The following RUNX1 variants were observed in gnomAD, a reference collection of about 807,000 sequenced individuals.
RUNX1 encodes RUNX family transcription factor 1.
Under a neutral mutation model 42.8 loss-of-function variants are expected in RUNX1, and 19 were observed. That is an observed-to-expected ratio of 0.44 (90% CI 0.31 to 0.65). RUNX1 has a LOEUF of 0.65. Ranked by LOEUF, RUNX1 falls within the 30% of genes least tolerant of loss-of-function variation. RUNX1 has a pLI of 0.07. For missense variants in RUNX1, 528 were observed against 672.0 expected (o/e 0.79, Z 2.37); for synonymous variants, 271 against 289.4 (o/e 0.94, Z 0.64).
chr21:34,887,575 G>C (rs775953905), intron 3 of RUNX1: 25 of 1,122,070 alleles, frequency 2.2e-5, no homozygotes, highest in Non-Finnish European at 2.6e-5. Context: ...TTTGTCTAAA[G>C]TCCCAACAGA....
intron 2 of RUNX1, among the ~76,000 whole-genome samples, chr21:34,929,704 T>C (rs2058425289): frequency 6.6e-6 from 1 of 152,200 alleles, no homozygotes; most frequent in African/African-American, 2.4e-5. Context: ...AATTGGCTTT[T>C]TAAGAGATGA....
At chr21:34,822,801 GGAGT>G (rs1183861059) in intron 7 of RUNX1, among the ~76,000 whole-genome samples, 37 of 152,140 alleles carry the variant, frequency 2.4e-4, no homozygotes, top group African/African-American at 7.2e-4. Flanking sequence ...ATGCACTAAT[GGAGT>G]GAGAGTGGCC....
Position 34,886,969 on chromosome 21 carries a change from G to A in RUNX1, c.225C>T (p.Asp75=), listed in dbSNP as rs747801893. The change falls in exon 4 of 9, where the codon GAC becomes GAT. Residue 75 remains aspartate (D), a synonymous_variant. Transcript: ENST00000675419. ...AALAGKLRSG[D]RSMVEVLADH... is the part of the protein sequence containing the mutation. Reference sequence around the variant, plus strand: ...CGGCCAGCACCTCCACCATGCTGCGGTCGCCGCTCCTCAGCTTGCCGGCCA... The same window carrying A: ...CGGCCAGCACCTCCACCATGCTGCGATCGCCGCTCCTCAGCTTGCCGGCCA... 14 of 1,610,918 alleles carry A rather than the reference G, an allele frequency of 8.7e-6. No individual in the cohort carries two copies. The highest frequency in any genetic ancestry group is 1.2e-5 in the Non-Finnish European group (14 of 1,179,348).
intron 7 of RUNX1, among the ~76,000 whole-genome samples, chr21:34,815,820 C>G (rs992726016): frequency 5.3e-5 from 8 of 151,992 alleles, no homozygotes; most frequent in Admixed American, 5.2e-4. Context: ...GCTGAGCAGT[C>G]TTTAGAGGAA....
At chr21:35,035,380 C>T (rs555677918) in intron 2 of RUNX1, among the ~76,000 whole-genome samples, 15 of 152,304 alleles carry the variant, frequency 9.8e-5, no homozygotes, top group African/African-American at 3.6e-4. Context: ...CTCCTCCCCA[C>T]ACCCTGTCAC....
chr21:34,806,198 T>G (rs538383687), intron 7 of RUNX1, among the ~76,000 whole-genome samples: 47 of 152,286 alleles, frequency 3.1e-4, no homozygotes, highest in African/African-American at 1.1e-3. Context: ...ATTGGCAGTG[T>G]GGATTAAAGA....
intron 6 of RUNX1, among the ~76,000 whole-genome samples, chr21:34,855,246 T>C (rs1333580572): frequency 1.3e-5 from 2 of 152,062 alleles, no homozygotes; most frequent in Admixed American, 6.6e-5. Flanking sequence ...AATATCTTCC[T>C]CCATGGCATT....
At chr21:35,043,361 G>A (rs1208649765) in intron 2 of RUNX1, among the ~76,000 whole-genome samples, 3 of 152,168 alleles carry the variant, frequency 2.0e-5, no homozygotes, top group Non-Finnish European at 4.4e-5. Context: ...CGAGAAACAA[G>A]AGTTGTGGGA....
intron 2 of RUNX1, among the ~76,000 whole-genome samples, chr21:34,935,171 G>A (rs2058476026): frequency 6.6e-6 from 1 of 152,184 alleles, no homozygotes; most frequent in Admixed American, 6.5e-5. Flanking sequence ...TGCGTTAGCT[G>A]ATTCTAGTTG....
chr21:34,928,634 C>A (rs1347264019), intron 2 of RUNX1, among the ~76,000 whole-genome samples: 2 of 150,920 alleles, frequency 1.3e-5, no homozygotes, highest in South Asian at 2.1e-4. Context: ...GAGCCAAGAT[C>A]GCGCCACTGC....
chr21:34,992,910 A>G (rs549062961), intron 2 of RUNX1, among the ~76,000 whole-genome samples: 2 of 152,246 alleles, frequency 1.3e-5, no homozygotes, highest in East Asian at 3.9e-4. Flanking sequence ...AGCAATGAGG[A>G]GGATGACTGT....
At chr21:35,027,061 G>A (rs567292962) in intron 2 of RUNX1, among the ~76,000 whole-genome samples, 2 of 152,334 alleles carry the variant, frequency 1.3e-5, no homozygotes, top group East Asian at 3.9e-4. Context: ...CGGGGTCTGT[G>A]TCAAGAGGCT....
intron 4 of RUNX1, among the ~76,000 whole-genome samples, chr21:34,883,325 G>GT (rs544254192): frequency 2.9e-4 from 44 of 151,028 alleles, no homozygotes; most frequent in South Asian, 2.7e-3. Flanking sequence ...ATCTCTGAGG[G>GT]TTTTTTTTTG....
intron 5 of RUNX1, among the ~76,000 whole-genome samples, chr21:34,871,183 G>C (rs1018070676): frequency 1.3e-5 from 2 of 152,124 alleles, no homozygotes; most frequent in African/African-American, 2.4e-5. Context: ...ACCCTTGCAT[G>C]CCACAGCTGT....
At chr21:34,819,290 A>G (rs1365557494) in intron 7 of RUNX1, among the ~76,000 whole-genome samples, 1 of 152,220 alleles carries the variant, frequency 6.6e-6, no homozygotes, top group Non-Finnish European at 1.5e-5. Flanking sequence ...AGGCAAGCCC[A>G]GAGCTCGAGC....
At chr21:34,842,020 GAGTACTC>G (rs145721335) in intron 6 of RUNX1, among the ~76,000 whole-genome samples, 4,125 of 152,302 alleles carry the variant, frequency 0.027, 66 homozygotes, top group African/African-American at 0.04. Context: ...ATGAATGAAT[GAGTACTC>G]AGGTCCTTCA....
At chr21:34,931,996 AC>A (rs1056302695) in intron 2 of RUNX1, among the ~76,000 whole-genome samples, 12 of 152,258 alleles carry the variant, frequency 7.9e-5, no homozygotes, top group African/African-American at 2.9e-4. Flanking sequence ...TGTAAGATGG[AC>A]TGAAGTGGGG....
chr21:34,924,522 T>A (rs1022524360), intron 2 of RUNX1, among the ~76,000 whole-genome samples: 4 of 152,098 alleles, frequency 2.6e-5, no homozygotes, highest in African/African-American at 9.7e-5. Flanking sequence ...ACATTCGAGT[T>A]GGAATAAGCA....
rs145753212 is a variant in RUNX1 at position 34,947,644 on chromosome 21, A to T, written c.59-54681T>A. Among the ~76,000 whole-genome samples the T allele has an allele frequency of 2.1e-3, 320 of 152,314 alleles. 5 individuals carry two copies. The South Asian group carries it at 0.024, about 11-fold the overall frequency. ...CACAGCTATTTCACTGGTGGTATAA[A>T]TAGTTTTCACAGAAGCCCTGTCTAT... On this transcript the variant is annotated intron_variant, in intron 2 of 8. Transcript: ENST00000675419.
Sources: gnomAD v4.1 joint callset for allele counts (sites outside exome capture counted in the v4.1 genomes callset) on GRCh38, gnomAD v4.1.1 for gene constraint, MANE v1.5 for transcripts, NCBI Gene and HGNC (gene_info 2026-07-23, HGNC 2026-07-21) for gene names.